The following ATP4B variants were observed in gnomAD, a reference collection of about 807,000 sequenced individuals.
The protein encoded by ATP4B is potassium-transporting ATPase subunit beta.
A neutral mutation model predicts 35.3 loss-of-function variants in ATP4B; 27 were observed. That is an observed-to-expected ratio of 0.76 (90% confidence interval 0.56 to 1.05). The LOEUF (loss-of-function observed/expected upper bound fraction) is 1.05, where lower values mean the gene tolerates loss of function less well. Ranked by LOEUF, ATP4B falls within the 50% of genes least tolerant of loss-of-function variation. The pLI is 0.00. For synonymous variants in ATP4B, 162 were observed against 156.0 expected, an observed-to-expected ratio of 1.04 and a Z score of -0.29; for missense variants, 375 against 384.8, an observed-to-expected ratio of 0.97 and a Z score of 0.21.
chr13:113,652,022 C>G (rs1464024444), intron 4 of ATP4B, among the ~76,000 whole-genome samples: 1 of 152,154 alleles, frequency 6.6e-6, no homozygotes, highest in East Asian at 1.9e-4. Flanking sequence ...TCTTAGCCCT[C>G]GAACCATGTC....
At position 113,650,377 on chromosome 13, in the gene ATP4B, T is replaced by G. The variant is rs1206263334; in HGVS notation, c.714+29A>C. Reference sequence around the variant, plus strand: ...GTGTGAGAGGACTCAGCAGCTGTGGTGAGGGAAGCGTGGAAGGAAGGAACC... The same window carrying G: ...GTGTGAGAGGACTCAGCAGCTGTGGGGAGGGAAGCGTGGAAGGAAGGAACC... On this transcript the variant is annotated intron_variant, in intron 6 of 6. Coordinates refer to ENST00000335288, the MANE Select transcript of ATP4B (RefSeq NM_000705.4). This position sits in a 1 kb window ranked among gnomAD's most constrained non-coding sequence, Gnocchi z 5.0. 1.3e-6 allele frequency: 2 copies of G among 1,592,868 alleles called. No individual in the cohort carries two copies. Among genetic ancestry groups the G allele is most frequent in the South Asian group, 1.1e-5 (1 of 90,592 alleles).
chr13:113,652,724 C>A (rs1416387826), intron 4 of ATP4B, 149 bp downstream of exon 4: 1 of 909,080 alleles, frequency 1.1e-6, no homozygotes, highest in South Asian at 1.4e-5. Flanking sequence ...AGGTGCGTGC[C>A]AAACCAAGGT....
chr13:113,650,267 G>T lies in ATP4B; in HGVS notation c.714+139C>A. 1 of 764,602 alleles carries T rather than the reference G, an allele frequency of 1.3e-6. No individual in the cohort carries two copies. Among genetic ancestry groups the T allele is most frequent in the Non-Finnish European group, 2.2e-6 (1 of 449,568 alleles). 47.4% of individuals were successfully genotyped at this position (764,602 alleles called of 1,614,324 possible). On this transcript the variant is annotated intron_variant, in intron 6 of 6. Coordinates refer to ENST00000335288, the MANE Select transcript of ATP4B (RefSeq NM_000705.4). The surrounding 1 kb of genome is among the most constrained non-coding windows in gnomAD (Gnocchi z 5.0). The stretch of plus-strand genomic sequence containing the variant: ...ACAAGAACCTGGGCTTGGGAAACAC[G>T]CAGAACGTTCCAGTCAGGACCGGCT...
chr13:113,655,219 C>T (rs2049744872), intron 1 of ATP4B, among the ~76,000 whole-genome samples: 1 of 152,230 alleles, frequency 6.6e-6, no homozygotes. Context: ...CAGCTGCCTT[C>T]ACTCCAGCCG....
rs192722338 is a variant in ATP4B, at chr13:113,649,363, C to T, written c.*11G>A. The T allele has an allele frequency of 7.3e-5, 116 of 1,587,792 alleles. No individual in the cohort carries two copies. The African/African-American group carries it at 1.2e-3, about 17-fold the overall frequency. On this transcript the variant is annotated 3_prime_UTR_variant, in exon 7 of 7. Coordinates refer to ENST00000335288, the MANE Select transcript of ATP4B (RefSeq NM_000705.4). This position sits in a 1 kb window ranked among gnomAD's most constrained non-coding sequence, Gnocchi z 4.7. ...CCCGCAGGCGTGCCCAGGACCCCTG[C>T]GCAAACCGTTTCACTTCTCAATCTT...
At chr13:113,652,472 C>A (rs1242677065) in intron 4 of ATP4B, among the ~76,000 whole-genome samples, 1 of 152,212 alleles carries the variant, frequency 6.6e-6, no homozygotes, top group African/African-American at 2.4e-5. Flanking sequence ...CCTCCCCACA[C>A]CCCCTAAGGG....
rs1256523429 is a variant in ATP4B at position 113,653,321 on chromosome 13, C to T, written c.355G>A (p.Gly119Ser). 1.2e-6 allele frequency: 2 copies of T among 1,613,450 alleles called. No homozygotes were observed. Among genetic ancestry groups the T allele is most frequent in the Non-Finnish European group, 1.7e-6 (2 of 1,179,642 alleles). The part of the protein sequence containing the change: ...LTQTLHAFLA[G>S]YSPAAQEDSI... ...CCTCACCTGCCGTTTCACACCTCAC[C>T]TGCTAGGAAGGCGTGGAGAGTCTGT... is the stretch of plus-strand genomic sequence containing the variant. The change falls in exon 3 of 7, where the codon GGC (glycine) becomes AGC (serine). Residue 119 changes from glycine to serine, a missense_variant and splice_region_variant. Transcript: ENST00000335288.
chr13:113,654,732 G>C (rs117203767), intron 2 of ATP4B, 82 bp downstream of exon 2: 1 of 1,515,682 alleles, frequency 6.6e-7, no homozygotes, highest in East Asian at 2.4e-5. Context: ...GGGAGGGCAC[G>C]GGTCCCCCGG....
Position 113,653,373 on chromosome 13 carries a change from A to G in ATP4B, c.303T>C (p.Ser101=), listed in dbSNP as rs747580982. 7 of 1,614,096 alleles carry G rather than the reference A, an allele frequency of 4.3e-6. No homozygotes were observed. The African/African-American group carries it at 6.7e-5, about 15-fold the overall frequency. The change falls in exon 3 of 7, where the codon TCT becomes TCC. Residue 101 remains serine, a synonymous_variant. Coordinates refer to ENST00000335288, the MANE Select transcript of ATP4B (RefSeq NM_000705.4). The stretch of plus-strand genomic sequence containing the variant: ...TGAGGTCTGCCCAGGTTCTGTTATC[A>G]GAGACGTTGTAGACAATTTCCAGGC... The part of the protein sequence containing the change: ...EKGLEIVYNV[S]DNRTWADLTQ...
rs939872359 is a variant in ATP4B at position 113,650,187 on chromosome 13, TGAA to T, written c.714+216_714+218del. On this transcript the variant is annotated intron_variant, in intron 6 of 6. Transcript: ENST00000335288. This position sits in a 1 kb window ranked among gnomAD's most constrained non-coding sequence, Gnocchi z 5.0. The stretch of plus-strand genomic sequence containing the variant: ...CTGTCTCAAAAAAAAAAAAAAAAGT[TGAA>T]GAGTTAGAGTTGTATTTTCATGTTG... 1.3e-5 allele frequency among the ~76,000 whole-genome samples: 2 copies of T among 150,178 alleles called. No individual in the cohort carries two copies. Among genetic ancestry groups the T allele is most frequent in the African/African-American group, 4.9e-5 (2 of 40,792 alleles).
chr13:113,654,628 G>A (rs1054770959), intron 2 of ATP4B, among the ~76,000 whole-genome samples, 186 bp downstream of exon 2: 7 of 152,246 alleles, frequency 4.6e-5, no homozygotes, highest in Admixed American at 1.3e-4. Flanking sequence ...TCTTAAAGCC[G>A]GTTCAGGGGC....
At position 113,650,278 on chromosome 13, in the gene ATP4B, C is replaced by T; in HGVS notation, c.714+128G>A. 2.4e-6 allele frequency: 2 copies of T among 850,412 alleles called. No homozygotes were observed. The highest frequency in any genetic ancestry group is 1.9e-6 in the Non-Finnish European group (1 of 518,704). The allele number at this position is 850,412 out of a possible 1,614,324, so 52.7% of individuals were successfully genotyped here. A position where few individuals can be genotyped will look rare whatever the true frequency, so the allele number is the denominator to read the frequency against. ...GGCTTGGGAAACACGCAGAACGTTCCAGTCAGGACCGGCTAAGTCACACCT... is the reference window on the plus strand; with the variant it reads ...GGCTTGGGAAACACGCAGAACGTTCTAGTCAGGACCGGCTAAGTCACACCT... On this transcript the variant is annotated intron_variant, in intron 6 of 6. Transcript: ENST00000335288. The surrounding 1 kb of genome is among the most constrained non-coding windows in gnomAD (Gnocchi z 5.0).
At chr13:113,656,054 G>A (rs1274918014) in intron 1 of ATP4B, among the ~76,000 whole-genome samples, 1 of 152,234 alleles carries the variant, frequency 6.6e-6, no homozygotes, top group Admixed American at 6.5e-5. Flanking sequence ...GGCGTCCCTG[G>A]TGACGGCGTT....
Position 113,654,874 on chromosome 13 carries a change from C to G in ATP4B, c.181G>C (p.Val61Leu). 3.7e-6 allele frequency: 6 copies of G among 1,614,242 alleles called. No individual in the cohort carries two copies. The highest frequency in any genetic ancestry group is 5.1e-6 in the Non-Finnish European group (6 of 1,180,036). Residue 61 changes from valine (V) to leucine (L), a missense_variant, in exon 2 of 7, where the codon GTG becomes CTG. Val to Leu is a conservative substitution (Grantham distance 32, BLOSUM62 1). Transcript: ENST00000335288. ...TACGGGTCCACTGTCTGCATCAGCA[C>G]ATAGAGGCACAGGGCGAAGAGCCCA... ...MTGLFALCLY[V>L]LMQTVDPYTP...
Position 113,652,959 on chromosome 13 carries a change from C to T in ATP4B, c.469G>A (p.Asp157Asn). 1.2e-6 allele frequency: 2 copies of T among 1,614,232 alleles called. No homozygotes were observed. The highest frequency in any genetic ancestry group is 1.7e-6 in the Non-Finnish European group (2 of 1,180,042). The change falls in exon 4 of 7, where the codon GAT (aspartate) becomes AAT (asparagine). Residue 157 changes from aspartate to asparagine, a missense_variant. Asp to Asn is a conservative substitution (Grantham distance 23). Transcript: ENST00000335288. ...AGGCCTGAGCAGTTCTGCAGCATAT[C>T]TGCCGTGAACTTGCAGGAGAACTTG... is the stretch of plus-strand genomic sequence containing the variant. ...HTKFSCKFTA[D>N]MLQNCSGLAD...
At chr13:113,651,832 T>C in intron 4 of ATP4B, 105 bp from the exon 5 acceptor site, 1 of 1,380,436 alleles carries the variant, frequency 7.2e-7, no homozygotes, top group Non-Finnish European at 9.8e-7. Flanking sequence ...CAGCCTGGGC[T>C]TTCTGACCAG....
chr13:113,653,448 C>T lies in ATP4B; in HGVS notation c.242-14G>A. 1 of 1,605,096 alleles carries T rather than the reference C, an allele frequency of 6.2e-7. No individual in the cohort carries two copies. Among genetic ancestry groups the T allele is most frequent in the South Asian group, 1.1e-5 (1 of 90,880 alleles). On this transcript the variant is annotated splice_polypyrimidine_tract_variant and intron_variant, in intron 2 of 6. Transcript: ENST00000335288. The stretch of plus-strand genomic sequence containing the variant: ...TTAAGGTTACCCCTGGAGAGAGAGA[C>T]CTTTGTGCTTAGCGTCTCCAAATGC...
chr13:113,651,498 A>T (rs943975803), intron 5 of ATP4B, among the ~76,000 whole-genome samples, 173 bp downstream of exon 5: 17 of 152,174 alleles, frequency 1.1e-4, no homozygotes, highest in African/African-American at 3.9e-4. Flanking sequence ...GCTGGGTTTT[A>T]CCCGCCATGG....
At chr13:113,654,228 G>C (rs9670276) in intron 2 of ATP4B, among the ~76,000 whole-genome samples, 3 of 152,170 alleles carry the variant, frequency 2.0e-5, no homozygotes, top group African/African-American at 7.2e-5. Context: ...AAATCTATAC[G>C]TGGTTTAAAA....
Sources: gnomAD v4.1 joint callset for allele counts (sites outside exome capture counted in the v4.1 genomes callset) on GRCh38, gnomAD v4.1.1 for gene constraint, Gnocchi (gnomAD v3.1) non-coding constraint, MANE v1.5 for transcripts, NCBI Gene and HGNC (gene_info 2026-07-23, HGNC 2026-07-21) for gene names.